The following CCDC138 variants were observed in gnomAD, a reference collection of about 807,000 sequenced individuals.
CCDC138 encodes coiled-coil domain containing 138.
Under a neutral mutation model 82.3 loss-of-function variants are expected in CCDC138, and 66 were observed. The observed-to-expected ratio is 0.80, with a 90% confidence interval of 0.66 to 0.98. The LOEUF (loss-of-function observed/expected upper bound fraction) is 0.98, where lower values mean the gene tolerates loss of function less well. Ranked by LOEUF, CCDC138 falls within the 50% of genes least tolerant of loss-of-function variation. The probability of loss-of-function intolerance (pLI) is 0.00; values close to 1 mark genes in which losing one functional copy is unlikely to be tolerated. For synonymous variants in CCDC138, 297 were observed against 265.4 expected (o/e 1.12, Z -1.16); for missense variants, 816 against 758.9 (o/e 1.08, Z -0.88).
chr2:108,834,716 A>T (rs1426668633), intron 10 of CCDC138, among the ~76,000 whole-genome samples: 1 of 152,188 alleles, frequency 6.6e-6, no homozygotes, highest in African/African-American at 2.4e-5. Context: ...ATTTTTCATT[A>T]TCTGAAACAA....
chr2:108,832,266 A>T (rs1347277250), intron 10 of CCDC138, among the ~76,000 whole-genome samples: 1 of 149,490 alleles, frequency 6.7e-6, no homozygotes, highest in Non-Finnish European at 1.5e-5. Flanking sequence ...ACCTCAAGTG[A>T]TCTGCCTGCC....
At chr2:108,852,837 C>T (rs1397368956) in intron 12 of CCDC138, among the ~76,000 whole-genome samples, 3 of 152,110 alleles carry the variant, frequency 2.0e-5, no homozygotes, top group Non-Finnish European at 4.4e-5. Context: ...GTACAACAAA[C>T]TCCTATGACA....
At chr2:108,857,163 C>G (rs919110329) in intron 13 of CCDC138, among the ~76,000 whole-genome samples, 193 bp downstream of exon 13, 1 of 128,018 alleles carries the variant, frequency 7.8e-6, no homozygotes, top group Non-Finnish European at 1.6e-5. Context: ...ACTGCAACCT[C>G]TGACTCCCTG....
rs1484785618 is a variant in CCDC138, at chr2:108,788,832, G to A, written c.152-20G>A. The A allele has an allele frequency of 6.2e-7, 1 of 1,613,796 alleles. No homozygotes were observed. Among genetic ancestry groups the A allele is most frequent in the Admixed American group, 1.7e-5 (1 of 60,004 alleles). ...ATATATTGTTGTGGTAATCTTTCAT[G>A]GTTTCTTTGTCGTTGACAGGTGATT... is the stretch of plus-strand genomic sequence containing the variant. On this transcript the variant is annotated intron_variant, in intron 2 of 14. Transcript: ENST00000295124.
intron 7 of CCDC138, among the ~76,000 whole-genome samples, chr2:108,809,448 TTGTG>T (rs56122981): frequency 0.059 from 8,359 of 140,648 alleles, 256 homozygotes; most frequent in South Asian, 0.094. Flanking sequence ...ACATGAAATG[TTGTG>T]TGTGTGTGTG....
intron 10 of CCDC138, 132 bp downstream of exon 10, chr2:108,816,237 G>C: frequency 3.2e-6 from 2 of 629,148 alleles, no homozygotes; most frequent in Non-Finnish European, 2.6e-6. Context: ...GATCACCTGA[G>C]GTCAGGAGTT....
rs545011381 is a variant in CCDC138 at position 108,807,135 on chromosome 2, C to A, written c.855+2127C>A. 6.6e-5 allele frequency among the ~76,000 whole-genome samples: 10 copies of A among 152,154 alleles called. No individual in the cohort carries two copies. In the South Asian group the frequency reaches 1.9e-3, roughly 28 times the overall value. On this transcript the variant is annotated intron_variant, in intron 7 of 14. Coordinates refer to ENST00000295124, the MANE Select transcript of CCDC138 (RefSeq NM_144978.3). Reference sequence around the variant, plus strand: ...GCATAACTGAGAATGAAGAAAAAAACCCCAGAGAATATAAGCATACTTGCG... The same window carrying A: ...GCATAACTGAGAATGAAGAAAAAAAACCCAGAGAATATAAGCATACTTGCG...
rs116486218 is a variant in CCDC138, at chr2:108,824,744, A to G, written c.1206+8639A>G. Among the ~76,000 whole-genome samples the G allele has an allele frequency of 4.5e-3, 688 of 152,322 alleles. 4 individuals carry two copies. Among genetic ancestry groups the G allele is most frequent in the African/African-American group, 0.016 (657 of 41,574 alleles). ...TAACAAATGTATGTGTTATACTTTTATTCTACTGGCAGCACAGTAGTTTTT... is the reference window on the plus strand; with the variant it reads ...TAACAAATGTATGTGTTATACTTTTGTTCTACTGGCAGCACAGTAGTTTTT... On this transcript the variant is annotated intron_variant, in intron 10 of 14. Transcript: ENST00000295124.
chr2:108,796,746 A>T (rs1459187891), intron 5 of CCDC138, among the ~76,000 whole-genome samples: 1 of 152,114 alleles, frequency 6.6e-6, no homozygotes, highest in Non-Finnish European at 1.5e-5. Flanking sequence ...GCATGTTCTC[A>T]CTCGTGTGGG....
At chr2:108,843,865 TG>T (rs1689946348) in intron 11 of CCDC138, among the ~76,000 whole-genome samples, 9 of 140,660 alleles carry the variant, frequency 6.4e-5, no homozygotes, top group South Asian at 2.4e-4. Flanking sequence ...TGTGTGTGTG[TG>T]TGTGTGTGTG....
chr2:108,867,537 C>T lies in CCDC138; in HGVS notation c.1694-5914C>T, dbSNP rs1364880207. ...GTCCTTGGACTAGCACTCCCCTCCCCAAGCCTTTGGCAAGTTCCTACTCAT... is the reference window on the plus strand; with the variant it reads ...GTCCTTGGACTAGCACTCCCCTCCCTAAGCCTTTGGCAAGTTCCTACTCAT... On this transcript the variant is annotated intron_variant, in intron 13 of 14. Transcript: ENST00000295124. Among the ~76,000 whole-genome samples, 4 of 152,114 alleles carry T rather than the reference C, an allele frequency of 2.6e-5. No homozygotes were observed. In the East Asian group the frequency reaches 5.8e-4, roughly 22 times the overall value.
chr2:108,808,646 T>G (rs1683257787), intron 7 of CCDC138, among the ~76,000 whole-genome samples: 1 of 152,220 alleles, frequency 6.6e-6, no homozygotes, highest in Admixed American at 6.5e-5. Context: ...CTGTTGGCTG[T>G]TTGTATGCCT....
At chr2:108,849,014 G>T (rs1360276768) in intron 12 of CCDC138, among the ~76,000 whole-genome samples, 3 of 152,040 alleles carry the variant, frequency 2.0e-5, no homozygotes, top group Non-Finnish European at 4.4e-5. Context: ...GCCTGGTAAG[G>T]GGATACATGG....
chr2:108,805,957 G>T (rs1365117701), intron 7 of CCDC138, among the ~76,000 whole-genome samples: 4 of 152,108 alleles, frequency 2.6e-5, no homozygotes, highest in Non-Finnish European at 1.5e-5. Context: ...CTTTGAAAAT[G>T]AAAGCATTGG....
At chr2:108,851,893 C>A (rs1691571155) in intron 12 of CCDC138, among the ~76,000 whole-genome samples, 1 of 152,144 alleles carries the variant, frequency 6.6e-6, no homozygotes, top group African/African-American at 2.4e-5. Flanking sequence ...ATACTATTAT[C>A]CTCATATTAG....
intron 10 of CCDC138, among the ~76,000 whole-genome samples, chr2:108,823,579 A>G (rs1686071881): frequency 6.6e-6 from 1 of 152,244 alleles, no homozygotes; most frequent in Admixed American, 6.5e-5. Flanking sequence ...GTGATCCTGT[A>G]CAGCATTTGC....
At chr2:108,805,035 A>G (rs1172792417) in intron 7 of CCDC138, 27 bp downstream of exon 7, 2 of 1,217,216 alleles carry the variant, frequency 1.6e-6, no homozygotes, top group Non-Finnish European at 2.2e-6. Flanking sequence ...TATATACTGA[A>G]CATAAGACAT....
At chr2:108,809,283 C>T (rs185962095) in intron 7 of CCDC138, among the ~76,000 whole-genome samples, 5 of 152,142 alleles carry the variant, frequency 3.3e-5, no homozygotes, top group Non-Finnish European at 7.4e-5. Context: ...CGCACAGGAT[C>T]GCTTTCGCTT....
At chr2:108,794,750 C>A in intron 5 of CCDC138, 29 bp downstream of exon 5, 1 of 1,496,518 alleles carries the variant, frequency 6.7e-7, no homozygotes, top group South Asian at 1.2e-5. Context: ...ATCGAGAATT[C>A]AGAAATATTT....
Sources: gnomAD v4.1 joint callset for allele counts (sites outside exome capture counted in the v4.1 genomes callset) on GRCh38, gnomAD v4.1.1 for gene constraint, MANE v1.5 for transcripts, NCBI Gene and HGNC (gene_info 2026-07-23, HGNC 2026-07-21) for gene names.